Variants in IL17RD observed in about 807,000 individuals in gnomAD.
IL17RD encodes interleukin 17 receptor D, also known as interleukin-17 receptor D.
IL17RD carries 52 observed loss-of-function variants against 80.5 expected under a neutral mutation model. The observed-to-expected ratio is 0.65, with a 90% CI of 0.52 to 0.81. IL17RD has a LOEUF of 0.81. Among genes scored for constraint, IL17RD ranks in the 40% least tolerant of loss-of-function variants. The pLI, the probability that IL17RD is intolerant of heterozygous loss-of-function variation, is 0.00. For synonymous variants in IL17RD, 416 were observed against 391.8 expected (o/e 1.06, Z -0.73); for missense variants, 1,024 against 955.1 (o/e 1.07, Z -0.95).
At position 57,134,857 on chromosome 3, in the gene IL17RD, C is replaced by T. The variant is rs189722298; in HGVS notation, c.127-14544G>A. On this transcript the variant is annotated intron_variant, in intron 1 of 12. Transcript: ENST00000296318. ...GGCTAGGTGTGGTGGCTCAATCCTG[C>T]AATCCCAGCACTTTGAGGCAGGGGG... 7.1e-3 allele frequency: 2,442 copies of T among 345,282 alleles called. 18 individuals carry two copies. Among genetic ancestry groups the T allele is most frequent in the Non-Finnish European group, 0.011 (1,911 of 178,804 alleles). The allele number at this position is 345,282 out of a possible 1,614,324, so 21.4% of individuals were successfully genotyped here. A position where few individuals can be genotyped will look rare whatever the true frequency, so the allele number is the denominator to read the frequency against.
intron 2 of IL17RD, among the ~76,000 whole-genome samples, chr3:57,116,358 A>G (rs1444955273): frequency 2.1e-5 from 3 of 143,234 alleles, no homozygotes; most frequent in African/African-American, 2.6e-5. Flanking sequence ...ATCTCGGCTC[A>G]TGGCAACCTC....
In IL17RD at chr3:57,098,404, C is replaced by G; in HGVS notation, c.1299G>C (p.Lys433Asn). The G allele has an allele frequency of 6.2e-7, 1 of 1,613,978 alleles. No individual in the cohort carries two copies. The highest frequency in any genetic ancestry group is 8.5e-7 in the Non-Finnish European group (1 of 1,179,890). ...SKGMKYFVDK[K>N]NYKHKGGGRG... ...GGCCACCTCCTTTGTGTTTGTAGTT[C>G]TTCTTGTCCACAAAGTACTTCATAC... The change falls in exon 12 of 13, where the codon AAG becomes AAC. Residue 433 changes from lysine (K) to asparagine (N), a missense_variant. Lys to Asn is a moderately conservative substitution (Grantham distance 94). Coordinates refer to ENST00000296318, the MANE Select transcript of IL17RD (RefSeq NM_017563.5).
At chr3:57,151,561 T>A (rs541269305) in intron 1 of IL17RD, among the ~76,000 whole-genome samples, 6 of 152,272 alleles carry the variant, frequency 3.9e-5, no homozygotes, top group African/African-American at 1.4e-4. Flanking sequence ...CTCAAAAGTG[T>A]TATGAGGCTA....
chr3:57,111,708 C>T (rs1398813017), intron 3 of IL17RD, among the ~76,000 whole-genome samples: 4 of 152,000 alleles, frequency 2.6e-5, no homozygotes, highest in East Asian at 1.9e-4. Flanking sequence ...CGGTGACTCA[C>T]GCCTGTAATC....
chr3:57,165,138 G>A (rs1579330441), intron 1 of IL17RD, 23 bp downstream of exon 1: 2 of 1,504,852 alleles, frequency 1.3e-6, no homozygotes, highest in Non-Finnish European at 8.8e-7. Context: ...GCGACGGCAA[G>A]AAACCCGCCG....
intron 1 of IL17RD, among the ~76,000 whole-genome samples, chr3:57,146,230 A>G (rs1319625257): frequency 2.6e-5 from 4 of 152,190 alleles, no homozygotes; most frequent in African/African-American, 9.7e-5. Flanking sequence ...CTAATCAATA[A>G]TTATTTTAAA....
At chr3:57,142,382 A>G in intron 1 of IL17RD, 2 of 551,552 alleles carry the variant, frequency 3.6e-6, no homozygotes, top group Non-Finnish European at 6.3e-6. Context: ...TGGAGGGAGA[A>G]ACAAAGGGTA....
At chr3:57,164,048 G>A (rs949988721) in intron 1 of IL17RD, among the ~76,000 whole-genome samples, 1 of 152,278 alleles carries the variant, frequency 6.6e-6, no homozygotes, top group South Asian at 2.1e-4. Context: ...GTTCGCCTAA[G>A]CAAACCACTC....
intron 1 of IL17RD, among the ~76,000 whole-genome samples, chr3:57,127,414 T>TA (rs1341490473): frequency 0.033 from 2,439 of 74,470 alleles, 241 homozygotes; most frequent in Middle Eastern, 0.055. Context: ...ATATATATAT[T>TA]TTTTTTTTGA....
chr3:57,104,418 C>T lies in IL17RD; in HGVS notation c.748-11G>A, dbSNP rs1706906669. ...CTCTGTAGTTTGCTCCTGCAACAGACCAAAGAACACTTTAAAAACTCACTT... is the reference window on the plus strand; with the variant it reads ...CTCTGTAGTTTGCTCCTGCAACAGATCAAAGAACACTTTAAAAACTCACTT... On this transcript the variant is annotated splice_polypyrimidine_tract_variant and intron_variant, in intron 7 of 12. Transcript: ENST00000296318. 3.8e-6 allele frequency: 6 copies of T among 1,589,012 alleles called. No individual in the cohort carries two copies. Among genetic ancestry groups the T allele is most frequent in the Non-Finnish European group, 4.3e-6 (5 of 1,159,538 alleles).
chr3:57,102,968 A>G (rs1706870552), intron 9 of IL17RD, 123 bp downstream of exon 9: 1 of 656,010 alleles, frequency 1.5e-6, no homozygotes, highest in Non-Finnish European at 2.7e-6. Context: ...GATTTGATGG[A>G]ACATCATTTA....
In IL17RD at chr3:57,112,196, T is replaced by G. The variant is rs1285799830; in HGVS notation, c.311-1885A>C. 3.9e-5 allele frequency among the ~76,000 whole-genome samples: 6 copies of G among 152,168 alleles called. No individual in the cohort carries two copies. The East Asian group carries it at 1.2e-3, about 29-fold the overall frequency. On this transcript the variant is annotated intron_variant, in intron 3 of 12. Transcript: ENST00000296318. ...TAGAGCAGCTTCCCAGGAAAGAACT[T>G]ATTTGCTCTCTCTCCCATCATTTAA...
At chr3:57,117,181 T>G (rs1707236299) in intron 2 of IL17RD, among the ~76,000 whole-genome samples, 1 of 150,500 alleles carries the variant, frequency 6.6e-6, no homozygotes. Context: ...TGGCATAATC[T>G]CAGCTCACTG....
intron 1 of IL17RD, among the ~76,000 whole-genome samples, chr3:57,144,773 G>A (rs79912823): frequency 6.6e-6 from 1 of 152,234 alleles, no homozygotes; most frequent in Admixed American, 6.5e-5. Flanking sequence ...ATGCCTGCAT[G>A]AGAGGCAAGG....
intron 1 of IL17RD, among the ~76,000 whole-genome samples, chr3:57,157,576 C>G (rs536772009): frequency 6.6e-6 from 1 of 152,308 alleles, no homozygotes; most frequent in African/African-American, 2.4e-5. Context: ...TGTGCTGCAC[C>G]CAGAGCAAAT....
chr3:57,126,991 A>AT (rs1579289856), intron 1 of IL17RD, among the ~76,000 whole-genome samples: 1 of 150,942 alleles, frequency 6.6e-6, no homozygotes, highest in East Asian at 2.0e-4. Context: ...TGCCTGGCTA[A>AT]TTTTTGTATT....
chr3:57,105,434 G>A (rs1380224203), intron 7 of IL17RD, among the ~76,000 whole-genome samples: 1 of 150,352 alleles, frequency 6.7e-6, no homozygotes, highest in Non-Finnish European at 1.5e-5. Flanking sequence ...CTACTCCAGA[G>A]GCTGAGGCAG....
chr3:57,153,099 G>A (rs1396990747), intron 1 of IL17RD, among the ~76,000 whole-genome samples: 1 of 152,072 alleles, frequency 6.6e-6, no homozygotes, highest in East Asian at 1.9e-4. Context: ...TAATCTTTAA[G>A]GAAAAAGTTT....
At chr3:57,145,774 C>T (rs1390422873) in intron 1 of IL17RD, among the ~76,000 whole-genome samples, 1 of 152,132 alleles carries the variant, frequency 6.6e-6, no homozygotes, top group Non-Finnish European at 1.5e-5. Flanking sequence ...GTAACTGTCC[C>T]ACTTTACAGG....
Sources: gnomAD v4.1 joint callset for allele counts (sites outside exome capture counted in the v4.1 genomes callset) on GRCh38, gnomAD v4.1.1 for gene constraint, MANE v1.5 for transcripts, NCBI Gene and HGNC (gene_info 2026-07-23, HGNC 2026-07-21) for gene names.